ZNF385B: variants seen among roughly 807,000 people sequenced by gnomAD.
ZNF385B encodes zinc finger protein 385B, also known as zinc finger protein 533.
Under a neutral mutation model 39.2 loss-of-function variants are expected in ZNF385B, and 23 were observed. The ratio of observed to expected loss-of-function variants is 0.59; its 90% CI spans 0.42 to 0.83. ZNF385B has a LOEUF of 0.83. Among genes scored for constraint, ZNF385B ranks in the 40% least tolerant of loss-of-function variants. The probability of loss-of-function intolerance (pLI) is 0.00; values close to 1 mark genes in which losing one functional copy is unlikely to be tolerated. For synonymous variants in ZNF385B, 205 were observed against 222.6 expected (o/e 0.92, Z 0.70); for missense variants, 552 against 598.9 (o/e 0.92, Z 0.82).
intron 3 of ZNF385B, among the ~76,000 whole-genome samples, chr2:179,665,550 A>C (rs1364205327): frequency 6.6e-6 from 1 of 152,180 alleles, no homozygotes; most frequent in Non-Finnish European, 1.5e-5. Flanking sequence ...GCCCTCATTA[A>C]ACTATTTATT....
intron 3 of ZNF385B, among the ~76,000 whole-genome samples, 155 bp from the exon 4 acceptor site, chr2:179,545,124 A>G (rs1466851166): frequency 6.6e-6 from 1 of 152,232 alleles, no homozygotes; most frequent in Non-Finnish European, 1.5e-5. Context: ...TAAACACAAT[A>G]AAAAGGATCT....
intron 1 of ZNF385B, among the ~76,000 whole-genome samples, chr2:179,777,855 C>A (rs1285198057): frequency 6.6e-6 from 1 of 151,288 alleles, no homozygotes; most frequent in Non-Finnish European, 1.5e-5. Context: ...ACACTGCAAC[C>A]TCTGCCTCCT....
At chr2:179,449,605 T>C (rs1490595763) in intron 6 of ZNF385B, among the ~76,000 whole-genome samples, 4 of 152,028 alleles carry the variant, frequency 2.6e-5, no homozygotes, top group Admixed American at 6.6e-5. Flanking sequence ...TAAAAGAGGA[T>C]ACAAACAAAT....
intron 6 of ZNF385B, among the ~76,000 whole-genome samples, chr2:179,479,770 T>G (rs1241833087): frequency 6.6e-6 from 1 of 151,816 alleles, no homozygotes; most frequent in African/African-American, 2.4e-5. Flanking sequence ...ATGTGGGAGG[T>G]AGAGTTTGCA....
At chr2:179,499,628 A>G (rs1246047432) in intron 5 of ZNF385B, among the ~76,000 whole-genome samples, 1 of 152,014 alleles carries the variant, frequency 6.6e-6, no homozygotes, top group African/African-American at 2.4e-5. Context: ...AACAGAGGAT[A>G]GAAGGAACAC....
At chr2:179,463,466 C>G (rs1203147341) in intron 6 of ZNF385B, among the ~76,000 whole-genome samples, 2 of 152,046 alleles carry the variant, frequency 1.3e-5, no homozygotes, top group African/African-American at 2.4e-5. Context: ...AACTCATCAC[C>G]TACATTAGGT....
At chr2:179,580,668 G>C (rs1686396848) in intron 3 of ZNF385B, among the ~76,000 whole-genome samples, 1 of 152,122 alleles carries the variant, frequency 6.6e-6, no homozygotes, top group African/African-American at 2.4e-5. Context: ...GTGAGAAGGG[G>C]GCATCTGCAA....
chr2:179,505,500 A>G (rs2057173949), intron 5 of ZNF385B, among the ~76,000 whole-genome samples: 1 of 152,098 alleles, frequency 6.6e-6, no homozygotes, highest in South Asian at 2.1e-4. Flanking sequence ...ATCATCACAT[A>G]AAAAGATTTC....
At chr2:179,694,685 T>A (rs1698586693) in intron 3 of ZNF385B, among the ~76,000 whole-genome samples, 1 of 152,048 alleles carries the variant, frequency 6.6e-6, no homozygotes, top group South Asian at 2.1e-4. Context: ...ATCCCAGCAA[T>A]TTGGGAGGTC....
intron 4 of ZNF385B, among the ~76,000 whole-genome samples, chr2:179,537,822 A>C (rs2059683072): frequency 6.6e-6 from 1 of 152,146 alleles, no homozygotes; most frequent in Non-Finnish European, 1.5e-5. Flanking sequence ...TCAATGCTTA[A>C]ATATTTGTAC....
chr2:179,693,944 AT>A (rs982473868), intron 3 of ZNF385B, among the ~76,000 whole-genome samples: 7 of 152,144 alleles, frequency 4.6e-5, no homozygotes, highest in East Asian at 3.9e-4. Context: ...ATAAAAACAC[AT>A]TTTTTTCTTA....
chr2:179,694,731 A>C (rs1342200834), intron 3 of ZNF385B, among the ~76,000 whole-genome samples: 1 of 152,186 alleles, frequency 6.6e-6, no homozygotes, highest in Non-Finnish European at 1.5e-5. Context: ...GGAGTTCAAG[A>C]CCAGCCTGGC....
chr2:179,478,142 C>T (rs2053623083), intron 6 of ZNF385B, among the ~76,000 whole-genome samples: 1 of 152,202 alleles, frequency 6.6e-6, no homozygotes, highest in Admixed American at 6.5e-5. Context: ...CTGACATAAA[C>T]CACCTAACCT....
chr2:179,799,260 A>T (rs1268888833), intron 1 of ZNF385B, among the ~76,000 whole-genome samples: 1 of 152,052 alleles, frequency 6.6e-6, no homozygotes, highest in Non-Finnish European at 1.5e-5. Context: ...ATATCCATTG[A>T]TGATTAGTTT....
intron 4 of ZNF385B, among the ~76,000 whole-genome samples, chr2:179,524,399 A>T (rs1214595912): frequency 6.6e-6 from 1 of 151,696 alleles, no homozygotes; most frequent in East Asian, 1.9e-4. Context: ...AAAAATAAAA[A>T]AAATTAGCCG....
At chr2:179,500,334 G>A (rs1338152426) in intron 5 of ZNF385B, among the ~76,000 whole-genome samples, 1 of 152,034 alleles carries the variant, frequency 6.6e-6, no homozygotes, top group East Asian at 1.9e-4. Flanking sequence ...GAACAAAACT[G>A]GAGGAATCAC....
intron 6 of ZNF385B, among the ~76,000 whole-genome samples, chr2:179,476,858 C>T (rs919808130): frequency 6.6e-6 from 1 of 152,036 alleles, no homozygotes; most frequent in Non-Finnish European, 1.5e-5. Context: ...TGACTATACC[C>T]CAGAACTTCA....
At chr2:179,511,225 A>C (rs2057657944) in intron 5 of ZNF385B, among the ~76,000 whole-genome samples, 1 of 152,172 alleles carries the variant, frequency 6.6e-6, no homozygotes, top group African/African-American at 2.4e-5. Flanking sequence ...TGTGGAACCC[A>C]AAGTTGTGGC....
chr2:179,847,895 T>G (rs1412845372), intron 1 of ZNF385B, among the ~76,000 whole-genome samples: 1 of 152,154 alleles, frequency 6.6e-6, no homozygotes, highest in Non-Finnish European at 1.5e-5. Context: ...CAGAGTATCT[T>G]TTTAAGAGTC....
Sources: gnomAD v4.1 joint callset for allele counts (sites outside exome capture counted in the v4.1 genomes callset) on GRCh38, gnomAD v4.1.1 for gene constraint, MANE v1.5 for transcripts, NCBI Gene and HGNC (gene_info 2026-07-23, HGNC 2026-07-21) for gene names.